SLC18A2: variants seen among roughly 807,000 people sequenced by gnomAD.
SLC18A2 encodes solute carrier family 18 member A2, also known as synaptic vesicular amine transporter.
Under a neutral mutation model 59.2 loss-of-function variants are expected in SLC18A2, and 33 were observed. The ratio of observed to expected loss-of-function variants is 0.56; its 90% CI spans 0.42 to 0.75. SLC18A2 has a LOEUF of 0.75. Among genes scored for constraint, SLC18A2 ranks in the 30% least tolerant of loss-of-function variants. The pLI, the probability that SLC18A2 is intolerant of heterozygous loss-of-function variation, is 0.00. For missense variants in SLC18A2, 569 were observed against 668.6 expected (o/e 0.85, Z 1.64); for synonymous variants, 228 against 253.5 (o/e 0.90, Z 0.95).
chr10:117,277,314 G>T lies in SLC18A2; in HGVS notation c.*48G>T. ...AAAGTGTTTAATTGTATAAAACAGT[G>T]TTTCCAGTGACACAACTCATCCAGA... On this transcript the variant is annotated 3_prime_UTR_variant, in exon 16 of 16. Coordinates refer to ENST00000644641, the MANE Select transcript of SLC18A2 (RefSeq NM_003054.6). 5 of 1,189,366 alleles carry T rather than the reference G, an allele frequency of 4.2e-6. No homozygotes were observed. Among genetic ancestry groups the T allele is most frequent in the Non-Finnish European group, 6.2e-6 (5 of 811,950 alleles). 73.7% of individuals were successfully genotyped at this position (1,189,366 alleles called of 1,614,324 possible). A position where few individuals can be genotyped will look rare whatever the true frequency, so the allele number is the denominator to read the frequency against.
chr10:117,263,679 A>G (rs2803813), intron 10 of SLC18A2, among the ~76,000 whole-genome samples: 150,693 of 152,254 alleles, frequency 0.99, 74,590 homozygotes, highest in Middle Eastern at 1. Context: ...TGGCCTCTCC[A>G]GACCCCTTGA....
chr10:117,243,500 T>C (rs1844077184), intron 2 of SLC18A2, among the ~76,000 whole-genome samples: 1 of 152,220 alleles, frequency 6.6e-6, no homozygotes. Flanking sequence ...TATAGACATA[T>C]GGCACAGGGC....
At chr10:117,259,592 C>G (rs781183562) in intron 10 of SLC18A2, among the ~76,000 whole-genome samples, 1 of 152,206 alleles carries the variant, frequency 6.6e-6, no homozygotes, top group Non-Finnish European at 1.5e-5. Context: ...TACCCTTATC[C>G]TACACTTTGT....
At chr10:117,274,435 A>G (rs1184090582) in intron 15 of SLC18A2, among the ~76,000 whole-genome samples, 1 of 152,164 alleles carries the variant, frequency 6.6e-6, no homozygotes, top group Non-Finnish European at 1.5e-5. Flanking sequence ...TTAAGATGAC[A>G]TATTCCTACA....
At position 117,277,436 on chromosome 10, in the gene SLC18A2, A is replaced by C. The variant is rs904898433; in HGVS notation, c.*170A>C. The C allele has an allele frequency of 1.2e-5, 5 of 419,450 alleles. No individual in the cohort carries two copies. In the Admixed American group the frequency reaches 1.7e-4, roughly 14 times the overall value. The allele number at this position is 419,450 out of a possible 1,614,324, so 26.0% of individuals were successfully genotyped here. On this transcript the variant is annotated 3_prime_UTR_variant, in exon 16 of 16. Transcript: ENST00000644641. ...ATGGTCGATTGCCAACAGCCTTATA[A>C]AGAAAAAGAAGCTTTTCTAGGGGTT...
chr10:117,277,059 A>T, intron 15 of SLC18A2, 103 bp from the exon 16 acceptor site: 3 of 659,814 alleles, frequency 4.5e-6, no homozygotes, highest in Non-Finnish European at 5.1e-6. Flanking sequence ...AGCAAGTAAT[A>T]CTACATAGTT....
At chr10:117,254,346 G>A (rs1263476264) in intron 5 of SLC18A2, 59 bp from the exon 6 acceptor site, 29 of 1,411,654 alleles carry the variant, frequency 2.1e-5, no homozygotes, top group Non-Finnish European at 2.3e-5. Context: ...GGCGAGTCAC[G>A]CATTATTCTT....
intron 6 of SLC18A2, among the ~76,000 whole-genome samples, chr10:117,254,754 G>A (rs1250800514): frequency 6.6e-6 from 1 of 152,202 alleles, no homozygotes; most frequent in South Asian, 2.1e-4. Context: ...AGGTTGAACA[G>A]GATGGTCTGC....
chr10:117,270,702 A>G (rs7085251), intron 15 of SLC18A2, among the ~76,000 whole-genome samples: 3,919 of 152,290 alleles, frequency 0.026, 165 homozygotes, highest in African/African-American at 0.089. Flanking sequence ...GATTAGCATC[A>G]GTGTTGCTCT....
At chr10:117,241,928 A>C in intron 2 of SLC18A2, 114 bp downstream of exon 2, 1 of 1,117,758 alleles carries the variant, frequency 8.9e-7, no homozygotes, top group Non-Finnish European at 1.2e-6. Context: ...GGAAAGTTGG[A>C]GAACTCGCTT....
chr10:117,252,657 G>T (rs543637486), intron 3 of SLC18A2, among the ~76,000 whole-genome samples: 17 of 152,328 alleles, frequency 1.1e-4, no homozygotes, highest in Non-Finnish European at 2.1e-4. Context: ...CTATGCTCTA[G>T]GCACTGGTGT....
At chr10:117,265,725 C>T (rs1191592116) in intron 10 of SLC18A2, among the ~76,000 whole-genome samples, 1 of 152,090 alleles carries the variant, frequency 6.6e-6, no homozygotes, top group Non-Finnish European at 1.5e-5. Flanking sequence ...GCTGCCACCA[C>T]CAGCAGGGAA....
In SLC18A2 at chr10:117,269,204, TACACATACAC is replaced by T. The variant is rs1352527115; in HGVS notation, c.1187-855_1187-846del. 3.2e-5 allele frequency among the ~76,000 whole-genome samples: 3 copies of T among 93,640 alleles called. No individual in the cohort carries two copies. The highest frequency in any genetic ancestry group is 7.2e-5 in the Non-Finnish European group (3 of 41,724). The allele number at this position is 93,640 out of a possible 152,430, so 61.4% of individuals were successfully genotyped here. A position where few individuals can be genotyped will look rare whatever the true frequency, so the allele number is the denominator to read the frequency against. ...ACACATACACACACACCTACACACA[TACACATACAC>T]ACACATACACAAATACAAGTACATA... On this transcript the variant is annotated intron_variant, in intron 13 of 15. Coordinates refer to ENST00000644641, the MANE Select transcript of SLC18A2 (RefSeq NM_003054.6). The surrounding 1 kb of genome is among the most constrained non-coding windows in gnomAD (Gnocchi z 5.1).
intron 13 of SLC18A2, 71 bp downstream of exon 13, chr10:117,267,807 T>C: frequency 8.4e-7 from 1 of 1,190,082 alleles, no homozygotes. Flanking sequence ...CTTCCTCTGG[T>C]AGACTGTAGT....
chr10:117,245,963 C>A (rs1462753777), intron 3 of SLC18A2, among the ~76,000 whole-genome samples: 2 of 152,232 alleles, frequency 1.3e-5, no homozygotes, highest in Non-Finnish European at 2.9e-5. Context: ...ATAAAACATG[C>A]TAAGCAAATT....
intron 11 of SLC18A2, 65 bp downstream of exon 11, chr10:117,266,876 G>A: frequency 6.4e-7 from 1 of 1,569,372 alleles, no homozygotes; most frequent in South Asian, 1.1e-5. Context: ...AAAATTCTAA[G>A]TTGTTTCTGC....
intron 10 of SLC18A2, among the ~76,000 whole-genome samples, chr10:117,259,536 C>T (rs944824243): frequency 1.3e-4 from 20 of 152,294 alleles, no homozygotes; most frequent in East Asian, 1.9e-4. Context: ...TGAGAGTGTG[C>T]GTGGCAGGTA....
At chr10:117,260,418 C>G (rs958119159) in intron 10 of SLC18A2, among the ~76,000 whole-genome samples, 1 of 152,218 alleles carries the variant, frequency 6.6e-6, no homozygotes, top group Non-Finnish European at 1.5e-5. Flanking sequence ...CCAGCATTCT[C>G]TGCGGTGTCC....
rs1417276981 is a variant in SLC18A2 at position 117,255,520 on chromosome 10, G to A, written c.832G>A (p.Glu278Lys). ...FVLQPSRVQPESQKGTPLTTL... is the reference protein window; with the variant it reads ...FVLQPSRVQPKSQKGTPLTTL... ...GCTCCAGCCGTCCCGGGTGCAGCCAGAGGTAAGCGGCTGGGAATGAGGGCC... is the reference window on the plus strand; with the variant it reads ...GCTCCAGCCGTCCCGGGTGCAGCCAAAGGTAAGCGGCTGGGAATGAGGGCC... The change falls in exon 8 of 16, where the codon GAG becomes AAG. Residue 278 changes from glutamate to lysine, a missense_variant and splice_region_variant. Physicochemically the swap from Glu to Lys is moderately conservative, Grantham distance 56. Transcript: ENST00000644641. The A allele has an allele frequency of 1.2e-6, 2 of 1,614,160 alleles. No individual in the cohort carries two copies. The highest frequency in any genetic ancestry group is 2.2e-5 in the East Asian group (1 of 44,878).
Sources: allele counts gnomAD v4.1 joint callset (sites outside exome capture counted in the v4.1 genomes callset), GRCh38; gene constraint gnomAD v4.1.1; non-coding constraint Gnocchi (gnomAD v3.1); transcripts MANE v1.5; gene names NCBI Gene and HGNC (gene_info 2026-07-23, HGNC 2026-07-21).